The following LRRC4C variants were observed in gnomAD, a reference collection of about 807,000 sequenced individuals.
LRRC4C encodes the protein leucine rich repeat containing 4C.
Under a neutral mutation model 33.6 loss-of-function variants are expected in LRRC4C, and 5 were observed. The observed-to-expected ratio is 0.15, with a 90% confidence interval of 0.08 to 0.31. The LOEUF (loss-of-function observed/expected upper bound fraction) is 0.31. Ranked by LOEUF, LRRC4C falls within the 10% of genes least tolerant of loss-of-function variation. LRRC4C has a pLI of 1.00. For synonymous variants in LRRC4C, 329 were observed against 302.0 expected (o/e 1.09, Z -0.93); for missense variants, 560 against 796.7 (o/e 0.70, Z 3.58).
At position 40,590,183 on chromosome 11, in the gene LRRC4C, A is replaced by G. The variant is rs561205318; in HGVS notation, c.-270+57959T>C. ...TTGGAGGCTTTGCTTGTTTCTTTTT[A>G]TTCTTTTTTCTCTAAACTTCCCTTC... On this transcript the variant is annotated intron_variant, in intron 3 of 6. Transcript: ENST00000528697. 2.2e-4 allele frequency among the ~76,000 whole-genome samples: 33 copies of G among 151,698 alleles called. 1 individual carries two copies. The South Asian group carries it at 6.1e-3, about 28-fold the overall frequency.
chr11:41,299,294 A>G (rs1003189412), intron 1 of LRRC4C, among the ~76,000 whole-genome samples: 4 of 152,182 alleles, frequency 2.6e-5, no homozygotes, highest in Non-Finnish European at 5.9e-5. Flanking sequence ...GGAGAAAGGT[A>G]AAAACAATAA....
intron 2 of LRRC4C, among the ~76,000 whole-genome samples, chr11:40,655,474 A>G (rs1180145965): frequency 2.0e-5 from 3 of 152,216 alleles, no homozygotes; most frequent in African/African-American, 7.2e-5. Context: ...GGCTCTGTTC[A>G]GTAGGAAAAA....
chr11:41,323,333 C>T (rs761749655), intron 1 of LRRC4C, among the ~76,000 whole-genome samples: 5 of 151,964 alleles, frequency 3.3e-5, no homozygotes, highest in Admixed American at 1.3e-4. Flanking sequence ...CCAATCTTTT[C>T]CAAGAGAAAT....
chr11:41,315,524 A>T (rs1314888901), intron 1 of LRRC4C, among the ~76,000 whole-genome samples: 1 of 152,112 alleles, frequency 6.6e-6, no homozygotes, highest in Non-Finnish European at 1.5e-5. Flanking sequence ...CATCAACACC[A>T]ACTTGCCAGC....
intron 4 of LRRC4C, among the ~76,000 whole-genome samples, chr11:40,275,296 T>G (rs1943020561): frequency 6.6e-6 from 1 of 150,590 alleles, no homozygotes; most frequent in Admixed American, 6.6e-5. Flanking sequence ...TAGAATAATA[T>G]GCAAACAGGG....
chr11:41,209,866 T>A (rs1946749871), intron 1 of LRRC4C, among the ~76,000 whole-genome samples: 1 of 151,950 alleles, frequency 6.6e-6, no homozygotes, highest in Non-Finnish European at 1.5e-5. Flanking sequence ...TATCTAGTAA[T>A]AGGGTTTAAA....
intron 4 of LRRC4C, among the ~76,000 whole-genome samples, chr11:40,317,962 T>A (rs1945659814): frequency 6.6e-6 from 1 of 152,106 alleles, no homozygotes; most frequent in Non-Finnish European, 1.5e-5. Flanking sequence ...TTTATACATG[T>A]AACCATACAT....
At chr11:40,314,250 G>A (rs1286086598) in intron 4 of LRRC4C, among the ~76,000 whole-genome samples, 1 of 151,958 alleles carries the variant, frequency 6.6e-6, no homozygotes, top group Non-Finnish European at 1.5e-5. Context: ...GATCCGAATA[G>A]ATATTTTTCA....
At chr11:40,677,784 G>A (rs901476399) in intron 2 of LRRC4C, among the ~76,000 whole-genome samples, 7 of 152,174 alleles carry the variant, frequency 4.6e-5, no homozygotes, top group South Asian at 2.1e-4. Context: ...CCAGTGACAC[G>A]TGAGCAGAGC....
chr11:40,495,578 C>T (rs1954389843), intron 3 of LRRC4C, among the ~76,000 whole-genome samples: 1 of 151,950 alleles, frequency 6.6e-6, no homozygotes, highest in South Asian at 2.1e-4. Context: ...AAGAAGATGA[C>T]CGTGAAAATC....
intron 3 of LRRC4C, among the ~76,000 whole-genome samples, chr11:40,526,121 A>C (rs189286063): frequency 6.6e-6 from 1 of 152,280 alleles, no homozygotes; most frequent in Non-Finnish European, 1.5e-5. Flanking sequence ...CGTGAATTAC[A>C]TAAAAATAAA....
At position 40,221,929 on chromosome 11, in the gene LRRC4C, C is replaced by T. The variant is rs111248867; in HGVS notation, c.-96+19590G>A. Among the ~76,000 whole-genome samples, 890 of 152,268 alleles carry T rather than the reference C, an allele frequency of 5.8e-3. 10 individuals carry two copies. Among genetic ancestry groups the T allele is most frequent in the African/African-American group, 0.021 (862 of 41,550 alleles). On this transcript the variant is annotated intron_variant, in intron 5 of 6. Coordinates refer to ENST00000528697, the MANE Select transcript of LRRC4C (RefSeq NM_001258419.2). ...GGAGCTTGGCTCTTGAGACAGGAGT[C>T]TCGTCGATGCCCTCGGCTGAATAAA...
intron 3 of LRRC4C, among the ~76,000 whole-genome samples, chr11:40,630,421 C>CT (rs1193168840): frequency 0.09 from 7,184 of 79,794 alleles, 806 homozygotes; most frequent in African/African-American, 0.21. Flanking sequence ...TCTTCTTCTT[C>CT]TTTTTTTTTT....
rs116025332 is a variant in LRRC4C, at chr11:40,421,227, T to C, written c.-269-101506A>G. Among the ~76,000 whole-genome samples, 507 of 152,338 alleles carry C rather than the reference T, an allele frequency of 3.3e-3. 4 individuals carry two copies. Among genetic ancestry groups the C allele is most frequent in the African/African-American group, 0.012 (487 of 41,586 alleles). ...ATCTTAGTTTAATAGCTGAATTCAA[T>C]AGGACAGATCTGATGTTCTTATTCT... is the stretch of plus-strand genomic sequence containing the variant. On this transcript the variant is annotated intron_variant, in intron 3 of 6. Transcript: ENST00000528697.
intron 1 of LRRC4C, among the ~76,000 whole-genome samples, chr11:41,012,659 A>G (rs1855292972): frequency 1.3e-5 from 2 of 152,198 alleles, no homozygotes; most frequent in Admixed American, 1.3e-4. Context: ...AAGAACCTCC[A>G]TAGAGTTTTA....
At chr11:40,590,456 C>G (rs1338936702) in intron 3 of LRRC4C, among the ~76,000 whole-genome samples, 1 of 151,730 alleles carries the variant, frequency 6.6e-6, no homozygotes, top group Non-Finnish European at 1.5e-5. Context: ...ATTTGATCGT[C>G]TGAAGCCTTC....
chr11:40,739,418 C>T (rs138722068), intron 2 of LRRC4C, among the ~76,000 whole-genome samples: 2 of 151,208 alleles, frequency 1.3e-5, no homozygotes, highest in East Asian at 4.0e-4. Flanking sequence ...AATACTCTTC[C>T]ATTCTCTGTG....
intron 1 of LRRC4C, among the ~76,000 whole-genome samples, chr11:41,222,229 T>C (rs1463830931): frequency 6.6e-6 from 1 of 152,158 alleles, no homozygotes; most frequent in East Asian, 1.9e-4. Flanking sequence ...CACTTAAGAC[T>C]GGGCACTCTG....
intron 1 of LRRC4C, among the ~76,000 whole-genome samples, chr11:41,082,644 G>A (rs1252959428): frequency 6.6e-6 from 1 of 152,020 alleles, no homozygotes; most frequent in Admixed American, 6.5e-5. Flanking sequence ...AACTAACAAG[G>A]GCACAGCCAG....
Sources: gnomAD v4.1 joint callset for allele counts (sites outside exome capture counted in the v4.1 genomes callset) on GRCh38, gnomAD v4.1.1 for gene constraint, MANE v1.5 for transcripts, NCBI Gene and HGNC (gene_info 2026-07-23, HGNC 2026-07-21) for gene names.